Variants in NEBL observed in about 807,000 individuals in gnomAD.
The protein encoded by NEBL is nebulette, also known as LIM and SH3 protein 2.
In NEBL, 122 loss-of-function variants were observed where a neutral mutation model predicts 140.2. The observed-to-expected ratio is 0.87, with a 90% CI of 0.75 to 1.01. NEBL has a LOEUF of 1.01. NEBL is among the 50% of genes least tolerant of loss of function. The pLI is 0.00. For synonymous variants in NEBL, 436 were observed against 398.9 expected (o/e 1.09, Z -1.11); for missense variants, 1,365 against 1,231.3 (o/e 1.11, Z -1.62).
At position 21,173,864 on chromosome 10, in the gene NEBL, C is replaced by G. The variant is rs1200475294; in HGVS notation, c.-31G>C. On this transcript the variant is annotated 5_prime_UTR_variant, in exon 1 of 7. Coordinates refer to the NEBL transcript ENST00000417816. This position sits in a 1 kb window ranked among gnomAD's most constrained non-coding sequence, Gnocchi z 5.7. Reference sequence around the variant, plus strand: ...CGGTTCCCGGGGGCGGCGGCGGCGGCGGCTGCTGGCTCCCAGGAGCCGCTG... The same window carrying G: ...CGGTTCCCGGGGGCGGCGGCGGCGGGGGCTGCTGGCTCCCAGGAGCCGCTG... The G allele has an allele frequency of 3.1e-6, 5 of 1,605,440 alleles. No individual in the cohort carries two copies. Among genetic ancestry groups the G allele is most frequent in the African/African-American group, 2.7e-5 (2 of 74,626 alleles).
intron 2 of NEBL, among the ~76,000 whole-genome samples, chr10:21,107,101 C>G (rs531126281): frequency 2.6e-5 from 4 of 152,276 alleles, no homozygotes; most frequent in African/African-American, 4.8e-5. Flanking sequence ...ATGGGTTTTT[C>G]TAAATACACA....
At chr10:20,841,813 G>A (rs573582165) in intron 12 of NEBL, among the ~76,000 whole-genome samples, 55 of 152,116 alleles carry the variant, frequency 3.6e-4, no homozygotes, top group African/African-American at 1.2e-3. Flanking sequence ...TTCTCTATTG[G>A]CTTTGCTTTT....
intron 3 of NEBL, among the ~76,000 whole-genome samples, chr10:21,237,898 C>T (rs2132261009): frequency 6.6e-6 from 1 of 152,312 alleles, no homozygotes; most frequent in African/African-American, 2.4e-5. Context: ...TGAGGCACCA[C>T]ATCCAGCCAT....
intron 3 of NEBL, 42 bp from the exon 4 acceptor site, chr10:20,888,249 T>C (rs2131362059): frequency 4.2e-6 from 5 of 1,204,796 alleles, no homozygotes; most frequent in Non-Finnish European, 6.1e-6. Flanking sequence ...TAAATAAACT[T>C]CCATTTTTTT....
intron 4 of NEBL, among the ~76,000 whole-genome samples, chr10:20,920,571 A>C (rs2131498396): frequency 6.6e-6 from 1 of 152,368 alleles, no homozygotes; most frequent in South Asian, 2.1e-4. Context: ...AAGAGATGAA[A>C]GAATATATGC....
chr10:21,082,535 TAAAAAAAAAA>T (rs61234594), intron 2 of NEBL, among the ~76,000 whole-genome samples: 41 of 117,294 alleles, frequency 3.5e-4, no homozygotes, highest in African/African-American at 1.5e-3. Context: ...CCACCACCAC[TAAAAAAAAAA>T]AAAAAAAAAA....
At chr10:20,908,590 C>G (rs1248196106) in intron 4 of NEBL, among the ~76,000 whole-genome samples, 1 of 152,080 alleles carries the variant, frequency 6.6e-6, no homozygotes, top group South Asian at 2.1e-4. Context: ...AGTGAGCTGG[C>G]AAATGTTTAA....
At chr10:20,810,199 G>A (rs374217764) in intron 24 of NEBL, among the ~76,000 whole-genome samples, 108 of 152,268 alleles carry the variant, frequency 7.1e-4, no homozygotes, top group African/African-American at 2.6e-3. Flanking sequence ...CAACACAGGA[G>A]CACATGGGGC....
At chr10:21,235,460 G>A (rs1842335617) in intron 3 of NEBL, among the ~76,000 whole-genome samples, 2 of 152,280 alleles carry the variant, frequency 1.3e-5, no homozygotes, top group South Asian at 2.1e-4. Context: ...GACTACAGGT[G>A]CCTGAGACCA....
intron 2 of NEBL, among the ~76,000 whole-genome samples, chr10:21,161,515 C>T (rs1252309694): frequency 1.3e-5 from 2 of 152,162 alleles, no homozygotes; most frequent in Non-Finnish European, 2.9e-5. Flanking sequence ...GGCAATTAGA[C>T]CATTCCTGAC....
At chr10:20,933,962 GT>G (rs1834338383) in intron 4 of NEBL, among the ~76,000 whole-genome samples, 1 of 151,776 alleles carries the variant, frequency 6.6e-6, no homozygotes. Context: ...TACACTATCA[GT>G]TTCACTATCT....
At chr10:20,928,300 C>T (rs1384740560) in intron 4 of NEBL, among the ~76,000 whole-genome samples, 1 of 152,204 alleles carries the variant, frequency 6.6e-6, no homozygotes, top group Admixed American at 6.5e-5. Context: ...TTCTCAGTTA[C>T]ACCAGCCACC....
intron 2 of NEBL, among the ~76,000 whole-genome samples, chr10:21,055,258 G>A (rs575565397): frequency 2.0e-5 from 3 of 152,302 alleles, no homozygotes; most frequent in Admixed American, 1.3e-4. Flanking sequence ...TAATTTCAGA[G>A]AAAATATTTA....
chr10:20,808,308 A>G (rs557367388), intron 26 of NEBL, among the ~76,000 whole-genome samples: 6 of 152,236 alleles, frequency 3.9e-5, no homozygotes, highest in South Asian at 2.1e-4. Context: ...AGACGGGGGG[A>G]AAATAACATG....
intron 1 of NEBL, among the ~76,000 whole-genome samples, chr10:21,268,442 C>T (rs1842824016): frequency 1.3e-5 from 2 of 152,106 alleles, no homozygotes; most frequent in Admixed American, 1.3e-4. Context: ...GTGTTCATGC[C>T]ACTGTGCTCC....
intron 2 of NEBL, among the ~76,000 whole-genome samples, chr10:21,142,667 C>T (rs951891431): frequency 1.3e-5 from 2 of 152,124 alleles, no homozygotes; most frequent in Admixed American, 6.5e-5. Flanking sequence ...ATATCAGGGG[C>T]CCCCAACCCC....
chr10:20,895,106 C>T (rs1847365301), intron 2 of NEBL, among the ~76,000 whole-genome samples: 1 of 151,910 alleles, frequency 6.6e-6, no homozygotes, highest in African/African-American at 2.4e-5. Context: ...AGGCCACCAC[C>T]CCTCACAACA....
At chr10:20,873,818 G>A (rs1193299440) in intron 5 of NEBL, among the ~76,000 whole-genome samples, 1 of 152,042 alleles carries the variant, frequency 6.6e-6, no homozygotes, top group East Asian at 1.9e-4. Flanking sequence ...TCTATAAAAT[G>A]CCTTAAAGAA....
At chr10:21,030,689 A>C in intron 2 of NEBL, 1 of 485,530 alleles carries the variant, frequency 2.1e-6, no homozygotes. Context: ...CACACTGGGA[A>C]CTCTAGCCAT....
Sources: gnomAD v4.1 joint callset for allele counts (sites outside exome capture counted in the v4.1 genomes callset) on GRCh38, gnomAD v4.1.1 for gene constraint, Gnocchi (gnomAD v3.1) non-coding constraint, MANE v1.5 for transcripts, NCBI Gene and HGNC (gene_info 2026-07-23, HGNC 2026-07-21) for gene names.